Variants in OFD1 observed in about 807,000 individuals in gnomAD.
The protein encoded by OFD1 is centriole and centriolar satellite protein OFD1.
In OFD1, 12 loss-of-function variants were observed where a neutral mutation model predicts 81.4. That is an observed-to-expected ratio of 0.15 (90% CI 0.09 to 0.24). The LOEUF (loss-of-function observed/expected upper bound fraction) is 0.24, where lower values mean the gene tolerates loss of function less well. OFD1 is among the 10% of genes least tolerant of loss of function. The probability of loss-of-function intolerance (pLI) is 1.00; values close to 1 mark genes in which losing one functional copy is unlikely to be tolerated. For missense variants in OFD1, 685 were observed against 733.9 expected (o/e 0.93, Z 0.77); for synonymous variants, 256 against 263.7 (o/e 0.97, Z 0.28).
chrX:13,720,233 T>C, the OFD1 span: 1 of 195,395 alleles, frequency 5.1e-6, no homozygotes, highest in East Asian at 1.0e-4. Context: ...TAACATGAAA[T>C]CACAAAGACA....
intron 5 of OFD1, chrX:13,739,682 A>T (rs2047013063): frequency 5.3e-6 from 1 of 189,213 alleles, no homozygotes; most frequent in Non-Finnish European, 8.0e-6. Context: ...CGGAAGGCAG[A>T]GGTTGCGGTG....
At position 13,751,328 on chromosome X, in the gene OFD1, G is replaced by A. The variant is rs1374240720; in HGVS notation, c.1015G>A (p.Glu339Lys). 11 of 1,203,720 alleles carry A rather than the reference G, an allele frequency of 9.1e-6. No individual in the cohort carries two copies. The Admixed American group carries it at 2.0e-4, about 21-fold the overall frequency. The change falls in exon 10 of 23, where the codon GAG (glutamate) becomes AAG (lysine). Residue 339 changes from glutamate to lysine, a missense_variant. This residue lies in a region of OFD1 where 414 missense variants were observed against 447.2 expected (regional missense o/e 0.93). Transcript: ENST00000340096. The stretch of plus-strand genomic sequence containing the variant: ...ACAGGAGCAGAATATAAAGAGTTTT[G>A]AGGAGACCTATGACCGAAAGCTCAA... ...RRQEQNIKSF[E>K]ETYDRKLKNE...
chrX:13,755,390 A>G, intron 12 of OFD1, 148 bp downstream of exon 12: 1 of 476,333 alleles, frequency 2.1e-6, no homozygotes, highest in South Asian at 3.0e-5. Flanking sequence ...TTAATTCAAT[A>G]GTTCTTAATT....
chrX:13,761,302 T>TG (rs2147053668), intron 17 of OFD1, 91 bp downstream of exon 17: 1 of 996,990 alleles, frequency 1.0e-6, no homozygotes, highest in South Asian at 2.0e-5. Context: ...TTTTTTTTTT[T>TG]GAGATAATTA....
At chrX:13,728,154 C>T in the OFD1 span, among the ~76,000 whole-genome samples, 1 of 111,741 alleles carries the variant, frequency 8.9e-6, no homozygotes, top group Non-Finnish European at 1.9e-5. Flanking sequence ...GATTCACATC[C>T]GAATTCTACC....
At chrX:13,724,676 C>T in the OFD1 span, among the ~76,000 whole-genome samples, 1 of 112,421 alleles carries the variant, frequency 8.9e-6, no homozygotes, top group African/African-American at 3.2e-5. Flanking sequence ...CAGCTCCCAG[C>T]GTGATCAACG....
At chrX:13,756,811 C>A (rs372301333) in intron 13 of OFD1, 44 bp downstream of exon 13, 4 of 956,745 alleles carry the variant, frequency 4.2e-6, no homozygotes, top group Non-Finnish European at 6.0e-6. Context: ...TTTAGTAATT[C>A]GCATTAGGTC....
chrX:13,761,155 G>A lies in OFD1; in HGVS notation c.2331G>A (p.Glu777=). ...PDRMPLPSPT[E]SRHSLSIPPV... ...GAATGCCCCTACCATCACCCACTGAGTCTAGGCACAGCCTCTCCATCCCTC... is the reference window on the plus strand; with the variant it reads ...GAATGCCCCTACCATCACCCACTGAATCTAGGCACAGCCTCTCCATCCCTC... The change falls in exon 17 of 23, where the codon GAG becomes GAA. Residue 777 remains glutamate, a synonymous_variant. Transcript: ENST00000340096. 2 of 1,210,786 alleles carry A rather than the reference G, an allele frequency of 1.7e-6. No individual in the cohort carries two copies. Among genetic ancestry groups the A allele is most frequent in the Non-Finnish European group, 2.2e-6 (2 of 894,682 alleles).
At chrX:13,760,881 C>G (rs941147245) in intron 16 of OFD1, among the ~76,000 whole-genome samples, 161 bp downstream of exon 16, 1 of 112,222 alleles carries the variant, frequency 8.9e-6, no homozygotes, top group Non-Finnish European at 1.9e-5. Flanking sequence ...CCTTTGCTGC[C>G]TGTTGGTTTC....
At chrX:13,736,033 GC>G in intron 2 of OFD1, 1 of 458,413 alleles carries the variant, frequency 2.2e-6, no homozygotes, top group Non-Finnish European at 2.7e-6. Flanking sequence ...GTGGCAACAG[GC>G]TTATCTTTGG....
chrX:13,734,427 G>A (rs762988620), upstream of OFD1: 33 of 256,061 alleles, frequency 1.3e-4, no homozygotes, highest in Non-Finnish European at 2.2e-4. Context: ...CCGGGGAGGG[G>A]TGGAGGTACA....
At position 13,763,732 on chromosome X, in the gene OFD1, G is replaced by A. The variant is rs377737395; in HGVS notation, c.2489-13G>A. 10 of 1,179,359 alleles carry A rather than the reference G, an allele frequency of 8.5e-6. No individual in the cohort carries two copies. In the African/African-American group the frequency reaches 1.4e-4, roughly 17 times the overall value. On this transcript the variant is annotated splice_polypyrimidine_tract_variant and intron_variant, in intron 18 of 22. Transcript: ENST00000340096. ...ATTATTAAGGACTCATGGGACAATTGTGCCTCATGCAGCTGCAGGGAACAT... is the reference window on the plus strand; with the variant it reads ...ATTATTAAGGACTCATGGGACAATTATGCCTCATGCAGCTGCAGGGAACAT...
chrX:13,769,650 C>T (rs192384629), downstream of OFD1, among the ~76,000 whole-genome samples: 3 of 111,695 alleles, frequency 2.7e-5, no homozygotes, highest in African/African-American at 6.5e-5. Flanking sequence ...TAAACCCCCC[C>T]GTGTGATAGA....
chrX:13,716,698 A>G, the OFD1 span: 1 of 1,208,443 alleles, frequency 8.3e-7, no homozygotes, highest in Non-Finnish European at 1.1e-6. Flanking sequence ...AGTGTGAGCA[A>G]CCACAGATTA....
chrX:13,753,969 T>A (rs1056480067), intron 11 of OFD1, among the ~76,000 whole-genome samples: 2 of 111,923 alleles, frequency 1.8e-5, no homozygotes, highest in East Asian at 5.5e-4. Context: ...CTTCAGATGT[T>A]TTACATTTCA....
chrX:13,756,828 ATAAAACTATGCTTTGTACTTGTATAAGG>A, intron 13 of OFD1, 61 bp downstream of exon 13: 4 of 863,209 alleles, frequency 4.6e-6, no homozygotes, highest in Non-Finnish European at 6.9e-6. Context: ...GGTCAGTATT[ATAAAACTATGCTTTGTACTTGTATAAGG>A]TAGGGGGCTT....
chrX:13,716,331 GTA>G, the OFD1 span: 2 of 561,595 alleles, frequency 3.6e-6, no homozygotes, highest in Non-Finnish European at 5.7e-6. Flanking sequence ...CTCTTTTTGT[GTA>G]TGAGACTTAG....
chrX:13,728,333 T>C, the OFD1 span, among the ~76,000 whole-genome samples: 44 of 111,968 alleles, frequency 3.9e-4, no homozygotes, highest in African/African-American at 1.4e-3. Flanking sequence ...CCGATGAACA[T>C]TGATGCGAAA....
chrX:13,756,222 G>T (rs1416370713), intron 12 of OFD1, among the ~76,000 whole-genome samples: 1 of 111,218 alleles, frequency 9.0e-6, no homozygotes, highest in African/African-American at 3.3e-5. Context: ...CCAAAGTGCT[G>T]CGATTACGGG....
Sources: allele counts gnomAD v4.1 joint callset (sites outside exome capture counted in the v4.1 genomes callset), GRCh38; gene constraint gnomAD v4.1.1; regional missense constraint gnomAD v4.1.1; transcripts MANE v1.5; gene names NCBI Gene and HGNC (gene_info 2026-07-23, HGNC 2026-07-21).